The following IFTAP variants were observed in gnomAD, a reference collection of about 807,000 sequenced individuals.
The protein encoded by IFTAP is intraflagellar transport associated protein, also known as intraflagellar transport-associated protein.
IFTAP carries 19 observed loss-of-function variants against 19.4 expected under a neutral mutation model. The observed-to-expected ratio is 0.98, with a 90% CI of 0.68 to 1.44. The LOEUF is 1.44. Ranked by LOEUF, IFTAP falls within the 40% of genes most tolerant of loss-of-function variation. The pLI is 0.00. For synonymous variants in IFTAP, 85 were observed against 83.5 expected (o/e 1.02, Z -0.10); for missense variants, 240 against 253.6 (o/e 0.95, Z 0.36).
At chr11:36,638,789 G>A (rs949933467) in intron 4 of IFTAP, among the ~76,000 whole-genome samples, 1 of 152,124 alleles carries the variant, frequency 6.6e-6, no homozygotes, top group Admixed American at 6.6e-5. Flanking sequence ...CTTGCATATT[G>A]TTTTTCTACC....
chr11:36,657,168 A>G (rs1228213975), intron 5 of IFTAP, among the ~76,000 whole-genome samples: 1 of 152,234 alleles, frequency 6.6e-6, no homozygotes, highest in Non-Finnish European at 1.5e-5. Context: ...ATGTTTTGCC[A>G]GGATCAGCTA....
rs550533185 is a variant in IFTAP at position 36,633,955 on chromosome 11, CTG to C, written c.291+519_291+520del. 1.6e-4 allele frequency among the ~76,000 whole-genome samples: 24 copies of C among 152,230 alleles called. 1 individual carries two copies. The East Asian group carries it at 4.6e-3, about 29-fold the overall frequency. ...AATTATCAAGGAATTATAGTGGAAA[CTG>C]TTCTGCTTTTTAAGCCATTTAAGTT... On this transcript the variant is annotated intron_variant, in intron 3 of 5. Transcript: ENST00000334307.
intron 1 of IFTAP, 146 bp from the exon 2 acceptor site, chr11:36,609,935 G>C: frequency 1.6e-6 from 1 of 634,400 alleles, no homozygotes; most frequent in Non-Finnish European, 2.6e-6. Flanking sequence ...TAAAACTCTG[G>C]TCTCTTGAAC....
At chr11:36,614,569 C>G (rs1417202295) in intron 2 of IFTAP, among the ~76,000 whole-genome samples, 1 of 148,920 alleles carries the variant, frequency 6.7e-6, no homozygotes, top group Non-Finnish European at 1.5e-5. Context: ...TCCACATCCT[C>G]TCCAGCGCCT....
intron 1 of IFTAP, among the ~76,000 whole-genome samples, chr11:36,604,866 G>A (rs572375140): frequency 3.9e-5 from 6 of 152,086 alleles, no homozygotes; most frequent in African/African-American, 1.4e-4. Context: ...TCAAGTCACA[G>A]AATCTGAATT....
chr11:36,651,551 G>A (rs1853728909), intron 5 of IFTAP, among the ~76,000 whole-genome samples: 1 of 152,164 alleles, frequency 6.6e-6, no homozygotes, highest in Non-Finnish European at 1.5e-5. Context: ...AAGCTCTTTA[G>A]TTTAATTAGA....
chr11:36,629,584 A>G (rs1852650787), intron 2 of IFTAP, among the ~76,000 whole-genome samples: 2 of 151,492 alleles, frequency 1.3e-5, no homozygotes, highest in African/African-American at 2.5e-5. Flanking sequence ...TGAATTTTTA[A>G]AAAAGTTTCT....
rs187513464 is a variant in IFTAP at position 36,607,409 on chromosome 11, C to T, written c.-23-2672C>T. The stretch of plus-strand genomic sequence containing the variant: ...TTGGAGTTTAGAAAGGTAATCAGTG[C>T]GTGTGCCATATATTATACAAAATCT... On this transcript the variant is annotated intron_variant, in intron 1 of 5. Coordinates refer to ENST00000334307, the MANE Select transcript of IFTAP (RefSeq NM_138787.4). Among the ~76,000 whole-genome samples, 484 of 152,166 alleles carry T rather than the reference C, an allele frequency of 3.2e-3. 3 individuals carry two copies. Among genetic ancestry groups the T allele is most frequent in the African/African-American group, 0.011 (462 of 41,512 alleles).
chr11:36,655,765 T>A (rs1165830881), intron 5 of IFTAP, among the ~76,000 whole-genome samples: 1 of 152,204 alleles, frequency 6.6e-6, no homozygotes, highest in African/African-American at 2.4e-5. Context: ...TAGCTGCTGT[T>A]GATAACCCTT....
intron 2 of IFTAP, among the ~76,000 whole-genome samples, chr11:36,626,012 G>A (rs910827005): frequency 6.0e-5 from 9 of 151,204 alleles, no homozygotes; most frequent in African/African-American, 2.0e-4. Context: ...TGGAAGCTGA[G>A]GTTAGAGGGC....
At chr11:36,605,526 C>T (rs1175018018) in intron 1 of IFTAP, among the ~76,000 whole-genome samples, 1 of 152,164 alleles carries the variant, frequency 6.6e-6, no homozygotes, top group African/African-American at 2.4e-5. Flanking sequence ...TCAGAGAGCA[C>T]ATAACATTAA....
chr11:36,655,316 T>A (rs933028463), intron 5 of IFTAP, among the ~76,000 whole-genome samples: 10 of 152,180 alleles, frequency 6.6e-5, no homozygotes, highest in Non-Finnish European at 1.2e-4. Context: ...AAGAGTCAGC[T>A]CAGATATCAC....
chr11:36,617,007 T>C (rs1451777068), intron 2 of IFTAP, among the ~76,000 whole-genome samples: 5 of 151,686 alleles, frequency 3.3e-5, no homozygotes, highest in African/African-American at 1.2e-4. Flanking sequence ...GATGAAAATT[T>C]ACTATCTGAA....
Position 36,636,119 on chromosome 11 carries a change from T to A in IFTAP, c.358+2T>A. ...AGATTAAACCCCAAATGAGTGAGGG[T>A]ATGCTTTCTATTTCCTTTCTATACT... is the stretch of plus-strand genomic sequence containing the variant. On this transcript the variant is annotated splice_donor_variant, in intron 4 of 5. Transcript: ENST00000334307. LOFTEE classifies it high-confidence loss of function. The A allele has an allele frequency of 1.2e-6, 2 of 1,602,804 alleles. No homozygotes were observed. The highest frequency in any genetic ancestry group is 1.3e-5 in the African/African-American group (1 of 74,806).
At position 36,659,072 on chromosome 11, in the gene IFTAP, C is replaced by T. The variant is rs780119835; in HGVS notation, c.552C>T (p.Asp184=). The T allele has an allele frequency of 4.4e-5, 71 of 1,608,742 alleles. No homozygotes were observed. The highest frequency in any genetic ancestry group is 4.8e-5 in the Non-Finnish European group (57 of 1,177,272). ...CACTTGATGAAGAATTTGATTATGA[C>T]AATGTGATGCTAACCTCCAAGTTTA... ...LFSLDEEFDY[D]NVMLTSKFSP... The change falls in exon 6 of 6, where the codon GAC becomes GAT. Residue 184 remains aspartate, a synonymous_variant. Coordinates refer to ENST00000334307, the MANE Select transcript of IFTAP (RefSeq NM_138787.4).
At chr11:36,656,430 C>G (rs1416740560) in intron 5 of IFTAP, among the ~76,000 whole-genome samples, 2 of 151,984 alleles carry the variant, frequency 1.3e-5, no homozygotes, top group African/African-American at 2.4e-5. Context: ...ATTAGCCAGG[C>G]CTGGTGGTAT....
At chr11:36,635,232 C>A (rs1852897494) in intron 3 of IFTAP, among the ~76,000 whole-genome samples, 1 of 152,132 alleles carries the variant, frequency 6.6e-6, no homozygotes, top group Non-Finnish European at 1.5e-5. Context: ...AGGTCATGAG[C>A]ATAAAAGGCA....
intron 1 of IFTAP, among the ~76,000 whole-genome samples, chr11:36,603,847 A>C (rs1851594408): frequency 6.6e-6 from 1 of 151,794 alleles, no homozygotes; most frequent in Non-Finnish European, 1.5e-5. Flanking sequence ...ACTTGAACCC[A>C]GGAAGTAGAG....
At chr11:36,620,623 T>A (rs1007783214) in intron 2 of IFTAP, among the ~76,000 whole-genome samples, 9 of 152,090 alleles carry the variant, frequency 5.9e-5, no homozygotes, top group Non-Finnish European at 1.0e-4. Flanking sequence ...TAATCATTTG[T>A]TTTTTGTGAC....
Sources: gnomAD v4.1 joint callset for allele counts (sites outside exome capture counted in the v4.1 genomes callset) on GRCh38, gnomAD v4.1.1 for gene constraint, MANE v1.5 for transcripts, NCBI Gene and HGNC (gene_info 2026-07-23, HGNC 2026-07-21) for gene names.